The following GRIP1 variants were observed in gnomAD, a reference collection of about 807,000 sequenced individuals.
GRIP1 encodes glutamate receptor interacting protein 1, also known as glutamate receptor-interacting protein 1.
In GRIP1, 45 loss-of-function variants were observed where a neutral mutation model predicts 129.9. The ratio of observed to expected loss-of-function variants is 0.35; its 90% CI spans 0.27 to 0.44. The LOEUF is 0.44. GRIP1 is among the 20% of genes least tolerant of loss of function. The probability of loss-of-function intolerance (pLI) is 1.00; values close to 1 mark genes in which losing one functional copy is unlikely to be tolerated. For synonymous variants in GRIP1, 530 were observed against 520.8 expected, an observed-to-expected ratio of 1.02 and a Z score of -0.24; for missense variants, 1,196 against 1,396.8, an observed-to-expected ratio of 0.86 and a Z score of 2.29.
At chr12:66,896,371 T>C (rs965188524) in intron 1 of GRIP1, among the ~76,000 whole-genome samples, 17 of 151,276 alleles carry the variant, frequency 1.1e-4, no homozygotes, top group African/African-American at 4.1e-4. Context: ...AAGCCAGGTA[T>C]GGGTCACTAT....
intron 7 of GRIP1, among the ~76,000 whole-genome samples, chr12:66,481,227 CAAA>C (rs79786837): frequency 0.26 from 31,342 of 121,182 alleles, 3,781 homozygotes; most frequent in Middle Eastern, 0.47. Context: ...CTAGAATCTA[CAAA>C]AAAAAAAAAA....
chr12:66,366,152 T>C (rs2055130343), intron 23 of GRIP1, among the ~76,000 whole-genome samples: 1 of 152,228 alleles, frequency 6.6e-6, no homozygotes, highest in Admixed American at 6.5e-5. Flanking sequence ...AATTCTACAC[T>C]AGGTATTTGG....
intron 24 of GRIP1, 109 bp downstream of exon 24, chr12:66,353,308 A>G: frequency 2.4e-6 from 2 of 816,772 alleles, no homozygotes; most frequent in Non-Finnish European, 4.3e-6. Context: ...CTTGATGACA[A>G]AGGCTGAAAG....
At position 66,405,676 on chromosome 12, in the gene GRIP1, T is replaced by C. The variant is rs111576635; in HGVS notation, c.1984+607A>G. Reference sequence around the variant, plus strand: ...GGCATGACTGACTCATCAGGAATCATAGACATTTCCTTTGTATTCTTACTC... The same window carrying C: ...GGCATGACTGACTCATCAGGAATCACAGACATTTCCTTTGTATTCTTACTC... On this transcript the variant is annotated intron_variant, in intron 16 of 24. Transcript: ENST00000359742. Among the ~76,000 whole-genome samples, 123 of 152,326 alleles carry C rather than the reference T, an allele frequency of 8.1e-4. 2 individuals carry two copies. In the East Asian group the frequency reaches 0.015, roughly 18 times the overall value.
chr12:66,708,668 G>T (rs1395711394), intron 1 of GRIP1, among the ~76,000 whole-genome samples: 1 of 151,702 alleles, frequency 6.6e-6, no homozygotes, highest in Non-Finnish European at 1.5e-5. Flanking sequence ...AAAATTATAT[G>T]CATATACTTT....
At chr12:67,066,753 T>C (rs2043632387) in intron 1 of GRIP1, among the ~76,000 whole-genome samples, 1 of 151,892 alleles carries the variant, frequency 6.6e-6, no homozygotes, top group Non-Finnish European at 1.5e-5. Context: ...TAACACAATT[T>C]GACCTGAAAT....
At chr12:67,005,523 T>C (rs760066786) in intron 1 of GRIP1, among the ~76,000 whole-genome samples, 8 of 152,170 alleles carry the variant, frequency 5.3e-5, no homozygotes, top group Admixed American at 1.3e-4. Context: ...ACTATTTGCA[T>C]AGAAATTTTA....
chr12:66,823,165 T>G (rs138067712), intron 1 of GRIP1, among the ~76,000 whole-genome samples: 4 of 152,196 alleles, frequency 2.6e-5, no homozygotes, highest in African/African-American at 7.2e-5. Context: ...TTGCACAATA[T>G]GATAGCTTAT....
At chr12:66,349,393 G>A (rs972543924) in intron 24 of GRIP1, 147 bp from the exon 25 acceptor site, 38 of 711,202 alleles carry the variant, frequency 5.3e-5, no homozygotes, top group Middle Eastern at 5.6e-4. Context: ...ACTATGCTGT[G>A]ACATGGCTAC....
At chr12:66,799,088 T>C (rs141194592) in intron 1 of GRIP1, among the ~76,000 whole-genome samples, 328 of 152,274 alleles carry the variant, frequency 2.2e-3, no homozygotes, top group Non-Finnish European at 4.1e-3. Context: ...GTTGATTAAC[T>C]TGTTTGTATA....
chr12:66,979,097 T>C (rs1448578785), intron 1 of GRIP1, among the ~76,000 whole-genome samples: 1 of 151,938 alleles, frequency 6.6e-6, no homozygotes, highest in East Asian at 1.9e-4. Flanking sequence ...ATGTGTGACC[T>C]TTTTGAAGAA....
intron 2 of GRIP1, among the ~76,000 whole-genome samples, chr12:66,578,647 G>A (rs973150558): frequency 3.2e-4 from 48 of 151,812 alleles, no homozygotes; most frequent in East Asian, 1.9e-4. Context: ...ACGGAGTCTC[G>A]CTGATTGCTA....
At chr12:66,453,909 G>A (rs972106649) in intron 11 of GRIP1, among the ~76,000 whole-genome samples, 1 of 152,150 alleles carries the variant, frequency 6.6e-6, no homozygotes, top group African/African-American at 2.4e-5. Flanking sequence ...TTTCTTCCAA[G>A]AGTAAATAAT....
intron 1 of GRIP1, among the ~76,000 whole-genome samples, chr12:66,623,329 A>T (rs1482145882): frequency 2.0e-5 from 3 of 152,208 alleles, no homozygotes; most frequent in African/African-American, 7.2e-5. Flanking sequence ...ATAACTTGAT[A>T]AGGCATTCTT....
chr12:66,644,867 C>T (rs1316363081), intron 1 of GRIP1, among the ~76,000 whole-genome samples: 1 of 152,120 alleles, frequency 6.6e-6, no homozygotes, highest in Non-Finnish European at 1.5e-5. Context: ...AAATCAGTAG[C>T]AATAAATGCC....
At chr12:66,644,492 C>T (rs373794191) in intron 1 of GRIP1, among the ~76,000 whole-genome samples, 2 of 152,118 alleles carry the variant, frequency 1.3e-5, no homozygotes, top group South Asian at 4.2e-4. Context: ...TTTCTACCAC[C>T]AAACCTCAAA....
intron 1 of GRIP1, among the ~76,000 whole-genome samples, chr12:66,879,931 CAGTGTAAGAAAG>C (rs553618448): frequency 3.9e-5 from 6 of 151,996 alleles, no homozygotes; most frequent in Non-Finnish European, 8.8e-5. Context: ...GAGTCAACTG[CAGTGTAAGAAAG>C]AGTGAACCCA....
intron 6 of GRIP1, among the ~76,000 whole-genome samples, chr12:66,516,810 A>G (rs78695644): frequency 0.012 from 1,833 of 152,292 alleles, 41 homozygotes; most frequent in East Asian, 0.1. Context: ...GTGTTTTCCT[A>G]TTTTCTAATT....
chr12:66,563,821 A>T (rs1455594673), intron 2 of GRIP1: 1 of 152,222 alleles, frequency 6.6e-6, no homozygotes, highest in East Asian at 1.9e-4. Flanking sequence ...AAATAAAAAA[A>T]CAAGAAAGTC....
Sources: gnomAD v4.1 joint callset for allele counts (sites outside exome capture counted in the v4.1 genomes callset) on GRCh38, gnomAD v4.1.1 for gene constraint, MANE v1.5 for transcripts, NCBI Gene and HGNC (gene_info 2026-07-23, HGNC 2026-07-21) for gene names.